Variants in AK7 observed in about 807,000 individuals in gnomAD.
AK7 encodes the protein ATP-AMP transphosphorylase 7.
AK7 carries 78 observed loss-of-function variants against 96.6 expected under a neutral mutation model. The observed-to-expected ratio is 0.81, with a 90% CI of 0.67 to 0.97. AK7 has a LOEUF of 0.97. AK7 is among the 50% of genes least tolerant of loss of function. The probability of loss-of-function intolerance (pLI) is 0.00; values close to 1 mark genes in which losing one functional copy is unlikely to be tolerated. For missense variants in AK7, 855 were observed against 887.9 expected, an observed-to-expected ratio of 0.96 and a Z score of 0.47; for synonymous variants, 302 against 317.2, an observed-to-expected ratio of 0.95 and a Z score of 0.51.
chr14:96,432,377 C>T (rs551946272), intron 5 of AK7, among the ~76,000 whole-genome samples: 3 of 152,120 alleles, frequency 2.0e-5, no homozygotes, highest in East Asian at 1.9e-4. Context: ...GGGCATTTAG[C>T]CCATTTGCAT....
Position 96,408,889 on chromosome 14 carries a change from T to C in AK7, c.446T>C (p.Phe149Ser). The change falls in exon 4 of 18, where the codon TTT becomes TCT. Residue 149 changes from phenylalanine (F) to serine (S), a missense_variant. Phe to Ser is a radical substitution (Grantham distance 155, BLOSUM62 -2). Coordinates refer to ENST00000267584, the MANE Select transcript of AK7 (RefSeq NM_152327.5). Reference protein sequence around the residue: ...EVSHFEKRKLFILLSTVMTWA... With the variant: ...EVSHFEKRKLSILLSTVMTWA... ...AGCCACTTTGAAAAGCGAAAGCTATTTATTTTACTGTCGACGGTGATGACT... is the reference window on the plus strand; with the variant it reads ...AGCCACTTTGAAAAGCGAAAGCTATCTATTTTACTGTCGACGGTGATGACT... 6.2e-7 allele frequency: 1 copy of C among 1,614,220 alleles called. No homozygotes were observed. The highest frequency in any genetic ancestry group is 8.5e-7 in the Non-Finnish European group (1 of 1,180,024).
chr14:96,397,988 G>A, intron 1 of AK7, 87 bp from the exon 2 acceptor site: 1 of 1,395,592 alleles, frequency 7.2e-7, no homozygotes, highest in Non-Finnish European at 9.8e-7. Flanking sequence ...CAAGCACTCG[G>A]GAAAGGTAAG....
intron 14 of AK7, 57 bp downstream of exon 14, chr14:96,472,812 T>G: frequency 6.9e-7 from 1 of 1,445,426 alleles, no homozygotes; most frequent in South Asian, 1.2e-5. Flanking sequence ...CTGGGCGTGG[T>G]GGCTCACGCC....
intron 4 of AK7, among the ~76,000 whole-genome samples, chr14:96,416,768 G>A (rs1168652463): frequency 6.6e-6 from 1 of 152,106 alleles, no homozygotes; most frequent in Non-Finnish European, 1.5e-5. Context: ...TGAAATTTAA[G>A]GACTAAAGGG....
intron 10 of AK7, among the ~76,000 whole-genome samples, chr14:96,454,931 G>A (rs552929349): frequency 1.2e-4 from 18 of 152,202 alleles, no homozygotes; most frequent in East Asian, 7.7e-4. Flanking sequence ...TTGGGAGGTC[G>A]AGGCGGGTGG....
At chr14:96,417,228 C>T (rs1485536917) in intron 4 of AK7, among the ~76,000 whole-genome samples, 2 of 152,196 alleles carry the variant, frequency 1.3e-5, no homozygotes, top group Non-Finnish European at 2.9e-5. Context: ...AGTGAAAATA[C>T]AGGACACCCA....
chr14:96,483,320 G>A (rs1895608585), intron 16 of AK7, 101 bp downstream of exon 16: 2 of 1,218,874 alleles, frequency 1.6e-6, no homozygotes, highest in East Asian at 5.1e-5. Flanking sequence ...CCTGCTCTAG[G>A]GAAATGTCAT....
chr14:96,405,528 G>A (rs947310255), intron 3 of AK7, among the ~76,000 whole-genome samples: 6 of 152,030 alleles, frequency 3.9e-5, no homozygotes, highest in South Asian at 2.1e-4. Flanking sequence ...TTCCATAGGC[G>A]CTGCTTAAGG....
intron 6 of AK7, among the ~76,000 whole-genome samples, chr14:96,440,946 T>C (rs547376192): frequency 6.6e-6 from 1 of 152,166 alleles, no homozygotes; most frequent in Non-Finnish European, 1.5e-5. Flanking sequence ...GTGGATGGCT[T>C]GAACCCAGGA....
At chr14:96,443,692 T>C (rs184987610) in intron 7 of AK7, among the ~76,000 whole-genome samples, 1 of 152,014 alleles carries the variant, frequency 6.6e-6, no homozygotes, top group African/African-American at 2.4e-5. Flanking sequence ...TGGGCCACAT[T>C]GGAAGATTTG....
intron 10 of AK7, among the ~76,000 whole-genome samples, chr14:96,453,280 A>G (rs1893710238): frequency 6.6e-6 from 1 of 152,182 alleles, no homozygotes; most frequent in Non-Finnish European, 1.5e-5. Flanking sequence ...CTCTAGGTCA[A>G]CTGTAACAAC....
intron 5 of AK7, chr14:96,423,750 G>A (rs1220550408): frequency 2.8e-6 from 2 of 725,410 alleles, no homozygotes; most frequent in Non-Finnish European, 5.2e-6. Flanking sequence ...CACTCGGCCT[G>A]GTAACACGTG....
At chr14:96,406,244 G>A (rs1253475945) in intron 3 of AK7, among the ~76,000 whole-genome samples, 1 of 152,092 alleles carries the variant, frequency 6.6e-6, no homozygotes, top group Non-Finnish European at 1.5e-5. Context: ...ACATCCAAAT[G>A]CCTCCATAGG....
chr14:96,433,297 T>G (rs575133754), intron 5 of AK7, among the ~76,000 whole-genome samples: 52 of 152,344 alleles, frequency 3.4e-4, no homozygotes, highest in African/African-American at 1.2e-3. Context: ...CTCATCACTT[T>G]CAGGTACGCC....
chr14:96,415,189 T>A (rs1332193693), intron 4 of AK7, among the ~76,000 whole-genome samples: 1 of 151,998 alleles, frequency 6.6e-6, no homozygotes, highest in Non-Finnish European at 1.5e-5. Flanking sequence ...GCATGGTTGC[T>A]CACACCTGTA....
At chr14:96,401,155 T>C (rs777693951) in intron 2 of AK7, among the ~76,000 whole-genome samples, 1 of 152,184 alleles carries the variant, frequency 6.6e-6, no homozygotes, top group Non-Finnish European at 1.5e-5. Flanking sequence ...ATGTTTCCTG[T>C]GCACCCTAAT....
chr14:96,394,590 A>G (rs1031208036), intron 1 of AK7, among the ~76,000 whole-genome samples: 1 of 152,226 alleles, frequency 6.6e-6, no homozygotes, highest in Non-Finnish European at 1.5e-5. Flanking sequence ...GGGCCAGGTC[A>G]TGGATGGCCT....
At chr14:96,447,230 C>T (rs1893293414) in intron 8 of AK7, among the ~76,000 whole-genome samples, 1 of 152,210 alleles carries the variant, frequency 6.6e-6, no homozygotes, top group Non-Finnish European at 1.5e-5. Context: ...CGCCAATAGG[C>T]ACTTGCCCCA....
At chr14:96,485,344 T>C (rs180874629) in intron 16 of AK7, among the ~76,000 whole-genome samples, 308 of 152,302 alleles carry the variant, frequency 2.0e-3, no homozygotes, top group Non-Finnish European at 2.8e-3. Flanking sequence ...CCTGATAAAC[T>C]AGTTCAATAG....
Sources: gnomAD v4.1 joint callset for allele counts (sites outside exome capture counted in the v4.1 genomes callset) on GRCh38, gnomAD v4.1.1 for gene constraint, MANE v1.5 for transcripts, NCBI Gene and HGNC (gene_info 2026-07-23, HGNC 2026-07-21) for gene names.